The following NCOR2 variants were observed in gnomAD, a reference collection of about 807,000 sequenced individuals.
NCOR2 encodes CTG repeat protein 26.
In NCOR2, 81 loss-of-function variants were observed where a neutral mutation model predicts 262.9. The observed-to-expected ratio is 0.31, with a 90% CI of 0.26 to 0.37. NCOR2 has a LOEUF of 0.37. NCOR2 is among the 10% of genes least tolerant of loss of function. The pLI is 1.00. For missense variants in NCOR2, 3,385 were observed against 3,621.4 expected, an observed-to-expected ratio of 0.93 and a Z score of 1.68; for synonymous variants, 1,659 against 1,559.3, an observed-to-expected ratio of 1.06 and a Z score of -1.51.
chr12:124,407,198 C>CAT (rs1280270670), intron 13 of NCOR2, among the ~76,000 whole-genome samples: 1 of 152,244 alleles, frequency 6.6e-6, no homozygotes, highest in African/African-American at 2.4e-5. Context: ...GCACACCAGC[C>CAT]ACAGAAAGAT....
At chr12:124,532,986 TCTTTCCCCCA>T (rs1176231086) in intron 1 of NCOR2, among the ~76,000 whole-genome samples, 7 of 51,150 alleles carry the variant, frequency 1.4e-4, no homozygotes, top group Non-Finnish European at 2.1e-4. Context: ...ATCCCACTCC[TCTTTCCCCCA>T]CCTCCAAATC....
At chr12:124,418,992 C>T (rs1327039642) in intron 13 of NCOR2, among the ~76,000 whole-genome samples, 6 of 152,124 alleles carry the variant, frequency 3.9e-5, no homozygotes, top group South Asian at 2.1e-4. Flanking sequence ...ATGCCTCGAC[C>T]GACTCCAATC....
chr12:124,463,838 G>A (rs1373535772), intron 5 of NCOR2, among the ~76,000 whole-genome samples: 11 of 151,710 alleles, frequency 7.3e-5, no homozygotes, highest in South Asian at 2.1e-4. Flanking sequence ...CAGCCCCCAC[G>A]CCCCCAAACC....
chr12:124,326,339 T>G (rs1593055111), exon 46 of NCOR2: 1 of 1,532,498 alleles, frequency 6.5e-7, no homozygotes, highest in Non-Finnish European at 8.7e-7. Flanking sequence ...GGCTGCTGGG[T>G]CTGCCAGAGA....
intron 15 of NCOR2, among the ~76,000 whole-genome samples, chr12:124,399,107 G>T (rs573954888): frequency 6.6e-6 from 1 of 152,062 alleles, no homozygotes; most frequent in Non-Finnish European, 1.5e-5. Context: ...GAGGAGTGGC[G>T]GAAGGTTCCA....
At position 124,335,645 on chromosome 12, in the gene NCOR2, G is replaced by A. The variant is rs778039809; in HGVS notation, c.6116-13C>T. On this transcript the variant is annotated splice_polypyrimidine_tract_variant and intron_variant, in intron 38 of 46. Coordinates refer to ENST00000405201, the Ensembl canonical transcript of NCOR2. Reference sequence around the variant, plus strand: ...CTGCCGTGGTAACCTAGGGCAGGCGGGGGGTGCAGAGTCAGGCACCGGGCC... The same window carrying A: ...CTGCCGTGGTAACCTAGGGCAGGCGAGGGGTGCAGAGTCAGGCACCGGGCC... 1.2e-4 allele frequency: 198 copies of A among 1,590,782 alleles called. 1 individual carries two copies. Among genetic ancestry groups the A allele is most frequent in the Non-Finnish European group, 1.6e-4 (186 of 1,172,126 alleles).
intron 6 of NCOR2, among the ~76,000 whole-genome samples, chr12:124,455,884 G>A (rs1452066917): frequency 1.3e-5 from 2 of 152,106 alleles, no homozygotes; most frequent in Admixed American, 6.5e-5. Flanking sequence ...CTTCTGTTTC[G>A]TTTTTTTATG....
At chr12:124,516,618 C>A (rs147497561) in intron 1 of NCOR2, among the ~76,000 whole-genome samples, 3,236 of 152,254 alleles carry the variant, frequency 0.021, 61 homozygotes, top group Non-Finnish European at 0.031. Context: ...CCGAGACACA[C>A]CGGCAGGCTG....
chr12:124,494,265 G>A (rs10773089), intron 1 of NCOR2, among the ~76,000 whole-genome samples: 66,411 of 152,008 alleles, frequency 0.44, 17,030 homozygotes, highest in African/African-American at 0.72. Context: ...TGGCCGGCAG[G>A]GTCAGCTTCA....
At chr12:124,430,713 G>A in exon 9 of NCOR2, 1 of 1,614,188 alleles carries the variant, frequency 6.2e-7, no homozygotes. Context: ...GCCGCCGGGG[G>A]TTGTTCTCGA....
intron 41 of NCOR2, among the ~76,000 whole-genome samples, chr12:124,333,888 G>GTGTGCGCGCA (rs1555299223): frequency 1.4e-4 from 3 of 20,690 alleles, no homozygotes; most frequent in South Asian, 5.7e-3. Context: ...GGGTGTGCAT[G>GTGTGCGCGCA]TGTGTGTGCG....
At position 124,335,274 on chromosome 12, in the gene NCOR2, A is replaced by T. The variant is rs1448197131; in HGVS notation, c.6272T>A (p.Val2091Glu). ...GTGGGCGGCCTCCCCGCCAAGCTTC[A>T]CGGGGCCTGCAGGCAGAGCAGAGCT... Residue 2091 changes from valine (V) to glutamate (E), a missense_variant, in exon 40 of 47, where the codon GTG becomes GAG. Around this residue, in one of 5 missense-constraint regions of NCOR2, gnomAD observed 1,017 missense variants for 967.2 expected, o/e 1.05. Coordinates refer to ENST00000405201, the Ensembl canonical transcript of NCOR2. The T allele has an allele frequency of 1.3e-6, 2 of 1,598,994 alleles. No individual in the cohort carries two copies. The highest frequency in any genetic ancestry group is 1.7e-6 in the Non-Finnish European group (2 of 1,174,830).
intron 1 of NCOR2, among the ~76,000 whole-genome samples, chr12:124,567,007 G>A (rs2052264718): frequency 6.6e-6 from 1 of 152,146 alleles, no homozygotes; most frequent in African/African-American, 2.4e-5. Context: ...CGCACACTGT[G>A]GGGGGCCGCT....
intron 32 of NCOR2, among the ~76,000 whole-genome samples, chr12:124,344,138 A>G (rs1201979598): frequency 1.3e-5 from 2 of 152,186 alleles, no homozygotes; most frequent in Non-Finnish European, 2.9e-5. Context: ...CGAGCTAAGC[A>G]TGGCCAGGGA....
At chr12:124,455,840 G>A (rs936599624) in intron 6 of NCOR2, among the ~76,000 whole-genome samples, 2 of 152,212 alleles carry the variant, frequency 1.3e-5, no homozygotes, top group Middle Eastern at 3.2e-3. Flanking sequence ...ATGCAGTGGA[G>A]CTGAGTTTAG....
At chr12:124,507,048 T>G (rs1440625091) in intron 1 of NCOR2, among the ~76,000 whole-genome samples, 2 of 152,244 alleles carry the variant, frequency 1.3e-5, no homozygotes, top group African/African-American at 4.8e-5. Flanking sequence ...AACCCCAGAC[T>G]ACATGGAACA....
chr12:124,358,893 A>G (rs751206451), intron 22 of NCOR2, among the ~76,000 whole-genome samples: 1 of 152,194 alleles, frequency 6.6e-6, no homozygotes, highest in African/African-American at 2.4e-5. Context: ...TCCCCATTTC[A>G]CAGACGGGAA....
chr12:124,500,930 A>G (rs921738918), intron 1 of NCOR2, among the ~76,000 whole-genome samples: 4 of 152,246 alleles, frequency 2.6e-5, no homozygotes, highest in African/African-American at 4.8e-5. Context: ...TCTGCGCCGC[A>G]CGTGCCTGAA....
At chr12:124,554,257 T>C (rs1196808079) in intron 1 of NCOR2, among the ~76,000 whole-genome samples, 1 of 152,200 alleles carries the variant, frequency 6.6e-6, no homozygotes, top group African/African-American at 2.4e-5. Context: ...CCAGAGACGC[T>C]GTGCAAAAAA....
Sources: allele counts gnomAD v4.1 joint callset (sites outside exome capture counted in the v4.1 genomes callset), GRCh38; gene constraint gnomAD v4.1.1; regional missense constraint gnomAD v4.1.1; transcripts MANE v1.5; gene names NCBI Gene and HGNC (gene_info 2026-07-23, HGNC 2026-07-21).